The following AOPEP variants were observed in gnomAD, a reference collection of about 807,000 sequenced individuals.
The protein encoded by AOPEP is aminopeptidase O (putative).
In AOPEP, 77 loss-of-function variants were observed where a neutral mutation model predicts 98.1. The observed-to-expected ratio is 0.78, with a 90% CI of 0.65 to 0.95. AOPEP has a LOEUF of 0.95. Among genes scored for constraint, AOPEP ranks in the 40% least tolerant of loss-of-function variants. The probability of loss-of-function intolerance (pLI) is 0.00; values close to 1 mark genes in which losing one functional copy is unlikely to be tolerated. For missense variants in AOPEP, 1,024 were observed against 1,024.7 expected, an observed-to-expected ratio of 1.00 and a Z score of 0.01; for synonymous variants, 346 against 365.3, an observed-to-expected ratio of 0.95 and a Z score of 0.60.
chr9:94,820,549 T>C (rs943660175), intron 5 of AOPEP, among the ~76,000 whole-genome samples: 1 of 152,246 alleles, frequency 6.6e-6, no homozygotes, highest in Non-Finnish European at 1.5e-5. Flanking sequence ...CTCTCAGTTA[T>C]ACTTTTCCAA....
At chr9:95,146,667 C>T in the AOPEP span, among the ~76,000 whole-genome samples, 176 of 152,084 alleles carry the variant, frequency 1.2e-3, no homozygotes, top group African/African-American at 4.0e-3. Context: ...TTATCTGAGA[C>T]GGAGAGGGCT....
intron 5 of AOPEP, among the ~76,000 whole-genome samples, chr9:94,858,732 C>T (rs1193522830): frequency 6.6e-6 from 1 of 151,940 alleles, no homozygotes; most frequent in Non-Finnish European, 1.5e-5. Flanking sequence ...GTGGAGCCCT[C>T]ATTAATGCTA....
At chr9:94,922,637 T>C (rs754761738) in intron 5 of AOPEP, among the ~76,000 whole-genome samples, 67 of 152,186 alleles carry the variant, frequency 4.4e-4, no homozygotes, top group Non-Finnish European at 8.5e-4. Flanking sequence ...TTCCTTGTTT[T>C]TTTTTTTCCC....
At chr9:95,138,704 T>A in the AOPEP span, among the ~76,000 whole-genome samples, 1 of 152,152 alleles carries the variant, frequency 6.6e-6, no homozygotes, top group African/African-American at 2.4e-5. Flanking sequence ...TTGTCATTCA[T>A]CCTGCCAGGT....
intron 5 of AOPEP, among the ~76,000 whole-genome samples, chr9:94,861,054 G>C (rs944167429): frequency 1.3e-5 from 2 of 152,116 alleles, no homozygotes; most frequent in African/African-American, 4.8e-5. Flanking sequence ...GAGATTCTTT[G>C]GTCTTGACCA....
Position 94,979,438 on chromosome 9 carries a change from A to C in AOPEP, c.1977+11A>C, listed in dbSNP as rs1488340077. 6.3e-7 allele frequency: 1 copy of C among 1,577,372 alleles called. No individual in the cohort carries two copies. The highest frequency in any genetic ancestry group is 1.7e-5 in the Admixed American group (1 of 58,722). ...TCCGGAATACCAAAGGTAACTCAAG[A>C]TAACCACTTTGGTAGAATCCATGGA... On this transcript the variant is annotated intron_variant, in intron 11 of 16. Coordinates refer to ENST00000375315, the MANE Select transcript of AOPEP (RefSeq NM_001193329.3).
chr9:94,821,052 G>C (rs1456905612), intron 5 of AOPEP, among the ~76,000 whole-genome samples: 1 of 152,136 alleles, frequency 6.6e-6, no homozygotes, highest in Non-Finnish European at 1.5e-5. Flanking sequence ...ACTAACTTTG[G>C]AAGTTTAAAG....
At chr9:94,931,931 C>T (rs2055381924) in intron 7 of AOPEP, 2 of 1,134,322 alleles carry the variant, frequency 1.8e-6, no homozygotes, top group South Asian at 1.8e-5. Context: ...ACTTCAATAG[C>T]CCAAGGCTCA....
At chr9:95,116,996 A>G in the AOPEP span, among the ~76,000 whole-genome samples, 4 of 152,258 alleles carry the variant, frequency 2.6e-5, no homozygotes, top group South Asian at 8.3e-4. Context: ...GCCAAGTCTT[A>G]GCCTGTTCCT....
intron 1 of AOPEP, among the ~76,000 whole-genome samples, chr9:94,751,220 G>T (rs1268613810): frequency 1.3e-5 from 2 of 152,006 alleles, no homozygotes; most frequent in African/African-American, 4.8e-5. Flanking sequence ...TCAGCTTTTT[G>T]CTCACTCTCA....
intron 7 of AOPEP, among the ~76,000 whole-genome samples, chr9:94,942,927 A>T (rs2057175513): frequency 7.0e-6 from 1 of 142,872 alleles, no homozygotes; most frequent in African/African-American, 2.6e-5. Context: ...AAAAAAAAAA[A>T]TCATTTACAG....
intron 13 of AOPEP, among the ~76,000 whole-genome samples, chr9:95,033,877 A>C (rs1400002641): frequency 2.0e-5 from 3 of 152,240 alleles, no homozygotes; most frequent in Non-Finnish European, 4.4e-5. Context: ...AAACATCCCC[A>C]ATTTCATTTG....
At chr9:95,096,879 C>G in the AOPEP span, among the ~76,000 whole-genome samples, 19 of 152,332 alleles carry the variant, frequency 1.2e-4, no homozygotes, top group African/African-American at 4.6e-4. Flanking sequence ...GTTGTCTATT[C>G]GCTGTGTCTA....
the AOPEP span, chr9:95,111,737 G>T: frequency 9.1e-6 from 13 of 1,427,404 alleles, no homozygotes; most frequent in African/African-American, 9.8e-5. Context: ...GGCTTAAATT[G>T]TACTTATCCA....
intron 13 of AOPEP, among the ~76,000 whole-genome samples, chr9:95,031,322 T>A (rs868485813): frequency 3.3e-5 from 5 of 152,200 alleles, no homozygotes; most frequent in Admixed American, 1.3e-4. Flanking sequence ...ACTCTTTTAG[T>A]TTAAAAAGAA....
chr9:94,765,939 A>G (rs1839508285), intron 2 of AOPEP, among the ~76,000 whole-genome samples: 1 of 152,178 alleles, frequency 6.6e-6, no homozygotes, highest in African/African-American at 2.4e-5. Flanking sequence ...TGGAAGGAAT[A>G]CATATATAAC....
In AOPEP at chr9:95,006,144, A is replaced by C. The variant is rs779734374; in HGVS notation, c.2115+528A>C. Reference sequence around the variant, plus strand: ...TTAGAATTTCAGTATGTTACTTTGCAGAAGTTTGGACTGCCTGTCTTTTGA... The same window carrying C: ...TTAGAATTTCAGTATGTTACTTTGCCGAAGTTTGGACTGCCTGTCTTTTGA... On this transcript the variant is annotated intron_variant, in intron 13 of 16. Coordinates refer to ENST00000375315, the MANE Select transcript of AOPEP (RefSeq NM_001193329.3). The C allele has an allele frequency of 2.8e-5, 13 of 469,186 alleles. 1 individual carries two copies. Among genetic ancestry groups the C allele is most frequent in the South Asian group, 2.0e-4 (13 of 64,250 alleles). The allele number at this position is 469,186 out of a possible 1,614,324, so 29.1% of individuals were successfully genotyped here.
intron 5 of AOPEP, among the ~76,000 whole-genome samples, chr9:94,841,407 C>G (rs1458441925): frequency 2.0e-5 from 3 of 152,192 alleles, no homozygotes; most frequent in Admixed American, 6.5e-5. Context: ...CTCCTAACCT[C>G]AGGTGATCCG....
intron 5 of AOPEP, among the ~76,000 whole-genome samples, chr9:94,826,314 A>G (rs1032015579): frequency 6.6e-6 from 1 of 152,152 alleles, no homozygotes; most frequent in Non-Finnish European, 1.5e-5. Context: ...TCGTGAGGCC[A>G]TGGCCACTCT....
Sources: allele counts gnomAD v4.1 joint callset (sites outside exome capture counted in the v4.1 genomes callset), GRCh38; gene constraint gnomAD v4.1.1; transcripts MANE v1.5; gene names NCBI Gene and HGNC (gene_info 2026-07-23, HGNC 2026-07-21).